Variants in THSD4 observed in about 807,000 individuals in gnomAD.
THSD4 encodes the protein thrombospondin type 1 domain containing 4.
THSD4 carries 69 observed loss-of-function variants against 119.0 expected under a neutral mutation model. The observed-to-expected ratio is 0.58, with a 90% CI of 0.48 to 0.71. The LOEUF (loss-of-function observed/expected upper bound fraction) is 0.71, where lower values mean the gene tolerates loss of function less well. Among genes scored for constraint, THSD4 ranks in the 30% least tolerant of loss-of-function variants. The pLI is 0.00. For missense variants in THSD4, 1,393 were observed against 1,391.1 expected, an observed-to-expected ratio of 1.00 and a Z score of -0.02; for synonymous variants, 524 against 540.4, an observed-to-expected ratio of 0.97 and a Z score of 0.42.
At chr15:71,372,514 G>C (rs1256020566) in intron 6 of THSD4, among the ~76,000 whole-genome samples, 4 of 152,240 alleles carry the variant, frequency 2.6e-5, no homozygotes, top group Admixed American at 2.6e-4. Flanking sequence ...ACCCTCAGCT[G>C]CAGGTCTGTT....
chr15:71,286,222 T>C (rs539117679), intron 6 of THSD4, among the ~76,000 whole-genome samples: 1 of 152,284 alleles, frequency 6.6e-6, no homozygotes, highest in Non-Finnish European at 1.5e-5. Context: ...TAAATGTGCG[T>C]CATGGGGGTT....
intron 7 of THSD4, among the ~76,000 whole-genome samples, chr15:71,519,147 T>C (rs1454065308): frequency 6.6e-6 from 1 of 151,970 alleles, no homozygotes; most frequent in Non-Finnish European, 1.5e-5. Context: ...CAGAATCCAG[T>C]GTTGGGGGCA....
At chr15:71,763,291 A>G (rs1412117904) in intron 15 of THSD4, among the ~76,000 whole-genome samples, 1 of 151,866 alleles carries the variant, frequency 6.6e-6, no homozygotes, top group Non-Finnish European at 1.5e-5. Context: ...GTGGCTGCCT[A>G]TGGACAGCAA....
At position 71,493,494 on chromosome 15, in the gene THSD4, A is replaced by AT. The variant is rs534717651; in HGVS notation, c.1152+81674dup. ...TGTGGAAAATGTAGCTATTATCCCC[A>AT]TTTGATAGCTGAATAAACTGAGGCT... is the stretch of plus-strand genomic sequence containing the variant. On this transcript the variant is annotated intron_variant, in intron 7 of 17. Transcript: ENST00000261862. 1.4e-3 allele frequency among the ~76,000 whole-genome samples: 215 copies of AT among 152,244 alleles called. 6 individuals carry two copies. In the South Asian group the frequency reaches 0.042, roughly 30 times the overall value.
rs549155281 is a variant in THSD4, at chr15:71,263,492, C to T, written c.1015+6777C>T. Among the ~76,000 whole-genome samples the T allele has an allele frequency of 5.3e-5, 8 of 151,984 alleles. No individual in the cohort carries two copies. In the South Asian group the frequency reaches 1.0e-3, roughly 20 times the overall value. ...TCTTTATAATAGAATGATTTATATT[C>T]CTTTGGGTATGTACCCAGAAATGGG... On this transcript the variant is annotated intron_variant, in intron 6 of 17. Transcript: ENST00000261862.
chr15:71,253,003 C>T (rs2140284601), intron 5 of THSD4, among the ~76,000 whole-genome samples: 1 of 152,326 alleles, frequency 6.6e-6, no homozygotes, highest in Non-Finnish European at 1.5e-5. Context: ...ATCCCTCTGC[C>T]CTCCAGGCTT....
intron 7 of THSD4, among the ~76,000 whole-genome samples, chr15:71,505,975 G>T (rs184296324): frequency 1.3e-5 from 2 of 152,196 alleles, no homozygotes; most frequent in African/African-American, 4.8e-5. Context: ...TTGTAAAGTG[G>T]TAAAATGGTG....
intron 5 of THSD4, 130 bp downstream of exon 5, chr15:71,243,226 T>C: frequency 1.1e-6 from 1 of 920,044 alleles, no homozygotes; most frequent in Non-Finnish European, 1.6e-6. Context: ...TTAATCTTCC[T>C]CCTTTCTCTT....
intron 7 of THSD4, 63 bp downstream of exon 7, chr15:71,411,886 G>T: frequency 6.3e-7 from 1 of 1,597,952 alleles, no homozygotes; most frequent in Non-Finnish European, 8.6e-7. Context: ...TGACTCCATT[G>T]TTTTCCAGGG....
At chr15:71,193,057 G>A (rs531989943) in intron 3 of THSD4, among the ~76,000 whole-genome samples, 12 of 152,322 alleles carry the variant, frequency 7.9e-5, no homozygotes, top group African/African-American at 2.6e-4. Flanking sequence ...ACCGCTGACT[G>A]CACAGGAATA....
chr15:71,255,408 G>C (rs1275807642), intron 5 of THSD4, among the ~76,000 whole-genome samples: 1 of 152,190 alleles, frequency 6.6e-6, no homozygotes, highest in Non-Finnish European at 1.5e-5. Flanking sequence ...ATTTATAAAT[G>C]AGGAAGAGAT....
chr15:71,665,421 C>G (rs1158548799), intron 8 of THSD4, among the ~76,000 whole-genome samples: 2 of 152,068 alleles, frequency 1.3e-5, no homozygotes, highest in Non-Finnish European at 2.9e-5. Context: ...GTATAGTTTG[C>G]AAATATTTTC....
At chr15:71,241,737 C>A (rs1276568820) in intron 4 of THSD4, among the ~76,000 whole-genome samples, 1 of 152,108 alleles carries the variant, frequency 6.6e-6, no homozygotes, top group African/African-American at 2.4e-5. Context: ...CTGCCCACGT[C>A]CCCCGCCCCA....
chr15:71,204,007 C>T (rs980979820), intron 3 of THSD4, among the ~76,000 whole-genome samples: 1 of 152,180 alleles, frequency 6.6e-6, no homozygotes, highest in Non-Finnish European at 1.5e-5. Flanking sequence ...CTCTTTATTT[C>T]ATGCATTACT....
intron 7 of THSD4, chr15:71,547,543 C>G (rs545079311): frequency 6.5e-7 from 1 of 1,532,738 alleles, no homozygotes; most frequent in Non-Finnish European, 8.8e-7. Context: ...ATTTCCTCTT[C>G]TATCTACCAA....
intron 7 of THSD4, among the ~76,000 whole-genome samples, chr15:71,521,969 G>C (rs1318592264): frequency 6.6e-6 from 1 of 152,210 alleles, no homozygotes; most frequent in Non-Finnish European, 1.5e-5. Context: ...GCCAGTCTGT[G>C]TCCCTTTGTG....
chr15:71,534,894 G>C (rs1055309031), intron 7 of THSD4, among the ~76,000 whole-genome samples: 1 of 152,024 alleles, frequency 6.6e-6, no homozygotes, highest in Non-Finnish European at 1.5e-5. Flanking sequence ...CGGGAGGCAG[G>C]GGTTGCAGTG....
At position 71,732,449 on chromosome 15, in the gene THSD4, C is replaced by T. The variant is rs987798011; in HGVS notation, c.1630+1232C>T. 3.3e-5 allele frequency: 5 copies of T among 152,146 alleles called. No individual in the cohort carries two copies. The East Asian group carries it at 5.8e-4, about 18-fold the overall frequency. 9.4% of individuals were successfully genotyped at this position (152,146 alleles called of 1,614,324 possible). ...TCTGAGTCTGCAGACATTTCTCTAC[C>T]GGAGGATGATGGAGCCCACCACCCA... On this transcript the variant is annotated intron_variant, in intron 10 of 17. Transcript: ENST00000261862.
At chr15:71,483,578 ATTATT>A (rs932070682) in intron 7 of THSD4, among the ~76,000 whole-genome samples, 14 of 151,932 alleles carry the variant, frequency 9.2e-5, no homozygotes, top group African/African-American at 2.2e-4. Context: ...TTTATTATTT[ATTATT>A]TTATTTTATT....
Sources: allele counts gnomAD v4.1 joint callset (sites outside exome capture counted in the v4.1 genomes callset), GRCh38; gene constraint gnomAD v4.1.1; transcripts MANE v1.5; gene names NCBI Gene and HGNC (gene_info 2026-07-23, HGNC 2026-07-21).